MATN2: variants seen among roughly 807,000 people sequenced by gnomAD.
The protein encoded by MATN2 is matrilin-2.
Under a neutral mutation model 103.2 loss-of-function variants are expected in MATN2, and 69 were observed. The ratio of observed to expected loss-of-function variants is 0.67; its 90% CI spans 0.55 to 0.82. The LOEUF (loss-of-function observed/expected upper bound fraction) is 0.82. Ranked by LOEUF, MATN2 falls within the 40% of genes least tolerant of loss-of-function variation. The probability of loss-of-function intolerance (pLI) is 0.00; values close to 1 mark genes in which losing one functional copy is unlikely to be tolerated. For missense variants in MATN2, 1,023 were observed against 1,211.5 expected (o/e 0.84, Z 2.31); for synonymous variants, 429 against 450.2 (o/e 0.95, Z 0.60).
chr8:97,890,231 C>A (rs1818581569), intron 2 of MATN2, among the ~76,000 whole-genome samples: 1 of 152,110 alleles, frequency 6.6e-6, no homozygotes, highest in Non-Finnish European at 1.5e-5. Flanking sequence ...CTTTGGGAGG[C>A]CGAGGTGGGC....
Position 98,033,609 on chromosome 8 carries a change from T to A in MATN2, c.2765T>A (p.Ile922Lys), listed in dbSNP as rs759063011. Residue 922 changes from isoleucine (I) to lysine (K), a missense_variant, in exon 18 of 19, where the codon ATA becomes AAA. By Grantham distance (102) the Ile-to-Lys change is moderately radical. Coordinates refer to ENST00000254898, the MANE Select transcript of MATN2 (RefSeq NM_002380.5). ...KHDQCKCENL[I>K]MFQNLANEEV... is the part of the protein sequence containing the mutation. ...GATCAATGCAAATGTGAAAACCTTA[T>A]AATGTTCCAGAACCTTGCAAACGAA... The A allele has an allele frequency of 6.2e-7, 1 of 1,607,544 alleles. No individual in the cohort carries two copies. The highest frequency in any genetic ancestry group is 1.1e-5 in the South Asian group (1 of 89,130).
intron 1 of MATN2, 150 bp from the exon 2 acceptor site, chr8:97,887,925 G>A: frequency 1.6e-6 from 1 of 643,774 alleles, no homozygotes; most frequent in Non-Finnish European, 2.5e-6. Flanking sequence ...GGCTACTTAA[G>A]CTCTCAAAGG....
At chr8:98,012,419 G>A (rs1363359646) in intron 10 of MATN2, among the ~76,000 whole-genome samples, 2 of 152,134 alleles carry the variant, frequency 1.3e-5, no homozygotes, top group Non-Finnish European at 2.9e-5. Context: ...GGCTGTGGGA[G>A]CCTCCCCTAG....
intron 2 of MATN2, 32 bp downstream of exon 2, chr8:97,888,274 C>A: frequency 6.7e-7 from 1 of 1,491,878 alleles, no homozygotes; most frequent in South Asian, 1.4e-5. Flanking sequence ...CAAAAGTGGG[C>A]AGGTGGGGGT....
At chr8:97,887,900 G>A in intron 1 of MATN2, 175 bp from the exon 2 acceptor site, 1 of 544,664 alleles carries the variant, frequency 1.8e-6, no homozygotes, top group South Asian at 2.6e-5. Flanking sequence ...CGTCCAAGAA[G>A]AGCCTACCAA....
At chr8:97,886,259 T>C (rs746102060) in intron 1 of MATN2, among the ~76,000 whole-genome samples, 4 of 152,192 alleles carry the variant, frequency 2.6e-5, no homozygotes, top group Non-Finnish European at 5.9e-5. Flanking sequence ...ATTATTTCAT[T>C]ATATATTGCA....
At chr8:98,035,231 C>A (rs1200748235) in intron 18 of MATN2, among the ~76,000 whole-genome samples, 7 of 151,990 alleles carry the variant, frequency 4.6e-5, no homozygotes, top group Admixed American at 3.9e-4. Flanking sequence ...GTGGCGCATG[C>A]CTGTAATCCC....
rs1335097225 is a variant in MATN2 at position 97,916,368 on chromosome 8, CCTGA to C, written c.143-14582_143-14579del. 2.6e-5 allele frequency among the ~76,000 whole-genome samples: 4 copies of C among 152,158 alleles called. No individual in the cohort carries two copies. The East Asian group carries it at 7.7e-4, about 29-fold the overall frequency. On this transcript the variant is annotated intron_variant, in intron 2 of 18. Transcript: ENST00000254898. ...TACAGGCATGAGCCACTGTGCCTGACCTGACTATTGTTTTTAATTTTAACTTTAA... is the reference window on the plus strand; with the variant it reads ...TACAGGCATGAGCCACTGTGCCTGACCTATTGTTTTTAATTTTAACTTTAA...
chr8:97,964,122 G>A (rs1389677372), intron 5 of MATN2, among the ~76,000 whole-genome samples: 4 of 152,170 alleles, frequency 2.6e-5, no homozygotes, highest in African/African-American at 4.8e-5. Context: ...TCAAGCATTA[G>A]GGCTAAGTCT....
intron 1 of MATN2, among the ~76,000 whole-genome samples, chr8:97,885,250 G>T (rs1270551374): frequency 5.9e-5 from 9 of 152,156 alleles, no homozygotes; most frequent in East Asian, 1.9e-4. Context: ...TTATCTGCTC[G>T]GTTTGGAGAA....
At chr8:97,908,272 C>T (rs1039584003) in intron 2 of MATN2, among the ~76,000 whole-genome samples, 3 of 151,422 alleles carry the variant, frequency 2.0e-5, no homozygotes, top group Non-Finnish European at 2.9e-5. Flanking sequence ...AAAAAAAAGT[C>T]ACTTTGTAAG....
chr8:97,884,374 A>G (rs997394419), intron 1 of MATN2, among the ~76,000 whole-genome samples: 42 of 151,924 alleles, frequency 2.8e-4, no homozygotes, highest in Non-Finnish European at 7.4e-5. Flanking sequence ...TCCTGACCTC[A>G]GGTGATACAC....
chr8:97,960,797 G>T (rs1022166793), intron 4 of MATN2, among the ~76,000 whole-genome samples: 2 of 151,746 alleles, frequency 1.3e-5, no homozygotes, highest in Non-Finnish European at 2.9e-5. Context: ...TTCCAACTTT[G>T]AAAAATGTGT....
In MATN2 at chr8:98,005,345, A is replaced by G. The variant is rs1017749245; in HGVS notation, c.1327+1562A>G. 4.6e-5 allele frequency among the ~76,000 whole-genome samples: 7 copies of G among 152,140 alleles called. No homozygotes were observed. Among genetic ancestry groups the G allele is most frequent in the African/African-American group, 1.7e-4 (7 of 41,490 alleles). ...GAGCGGGTCTCCCATTCAACAGGAG[A>G]TGCCCTGGTGACCATGGATCTGTGT... On this transcript the variant is annotated intron_variant, in intron 8 of 18. Coordinates refer to ENST00000254898, the MANE Select transcript of MATN2 (RefSeq NM_002380.5). This position sits in a 1 kb window ranked among gnomAD's most constrained non-coding sequence, Gnocchi z 4.6.
chr8:97,881,582 A>G (rs1190161813), intron 1 of MATN2, among the ~76,000 whole-genome samples: 1 of 152,194 alleles, frequency 6.6e-6, no homozygotes, highest in East Asian at 1.9e-4. Flanking sequence ...CATGTTCCCA[A>G]ATGCTTCATG....
chr8:97,939,394 A>C (rs1386270635), intron 3 of MATN2, among the ~76,000 whole-genome samples: 3 of 152,306 alleles, frequency 2.0e-5, no homozygotes, highest in South Asian at 2.1e-4. Context: ...AACAAACAAA[A>C]AAACCACGGT....
chr8:97,956,419 C>T (rs1475535811), intron 4 of MATN2, among the ~76,000 whole-genome samples: 3 of 152,172 alleles, frequency 2.0e-5, no homozygotes, highest in Non-Finnish European at 4.4e-5. Context: ...TCACATGATC[C>T]ACCTGCCTCG....
rs1813850084 is a variant in MATN2 at position 98,027,465 on chromosome 8, G to A, written c.1992G>A (p.Lys664=). The A allele has an allele frequency of 1.2e-6, 2 of 1,613,572 alleles. No homozygotes were observed. The highest frequency in any genetic ancestry group is 1.3e-5 in the African/African-American group (1 of 74,914). ...TGGTCTTTGTGATCGATGGATCCAA[G>A]AGTCTTGGAGAAGAGAATTTTGAGG... is the stretch of plus-strand genomic sequence containing the variant. ...IDLVFVIDGS[K]SLGEENFEVV... is the part of the protein sequence containing the mutation. The change falls in exon 14 of 19, where the codon AAG becomes AAA. Residue 664 remains lysine, a synonymous_variant. Transcript: ENST00000254898.
chr8:98,021,166 A>G, intron 12 of MATN2, 39 bp from the exon 13 acceptor site: 2 of 1,604,886 alleles, frequency 1.2e-6, no homozygotes, highest in Non-Finnish European at 1.7e-6. Flanking sequence ...CCTCATTTCT[A>G]CACTGATGGG....
Sources: gnomAD v4.1 joint callset for allele counts (sites outside exome capture counted in the v4.1 genomes callset) on GRCh38, gnomAD v4.1.1 for gene constraint, Gnocchi (gnomAD v3.1) non-coding constraint, MANE v1.5 for transcripts, NCBI Gene and HGNC (gene_info 2026-07-23, HGNC 2026-07-21) for gene names.